The following TMEM117 variants were observed in gnomAD, a reference collection of about 807,000 sequenced individuals.
The protein encoded by TMEM117 is transmembrane protein 117.
TMEM117 carries 27 observed loss-of-function variants against 52.4 expected under a neutral mutation model. That is an observed-to-expected ratio of 0.51 (90% CI 0.38 to 0.71). The LOEUF is 0.71. TMEM117 is among the 30% of genes least tolerant of loss of function. TMEM117 has a pLI of 0.00. For synonymous variants in TMEM117, 215 were observed against 206.3 expected (o/e 1.04, Z -0.36); for missense variants, 556 against 630.5 (o/e 0.88, Z 1.26).
chr12:43,798,694 T>G, the TMEM117 span: 5 of 1,199,692 alleles, frequency 4.2e-6, no homozygotes, highest in Admixed American at 5.6e-5. Context: ...AGATCCTTGC[T>G]ACCAGTTTAA....
At chr12:43,926,769 T>G (rs555392006) in intron 2 of TMEM117, among the ~76,000 whole-genome samples, 1 of 13,116 alleles carries the variant, frequency 7.6e-5, no homozygotes, top group African/African-American at 8.3e-5. Context: ...TTTTTATCTC[T>G]GCTATCTATG....
chr12:44,163,186 C>G (rs1351310766), intron 4 of TMEM117, among the ~76,000 whole-genome samples: 2 of 152,136 alleles, frequency 1.3e-5, no homozygotes, highest in African/African-American at 4.8e-5. Context: ...ACAGGTATTT[C>G]TAGGCACGAG....
In TMEM117 at chr12:44,388,196, C is replaced by A; in HGVS notation, c.1069C>A (p.Leu357Ile). The part of the protein sequence containing the change: ...ESLKDLNRTK[L>I]SWEWRSNHTN... Reference sequence around the variant, plus strand: ...TTTAAAAGATTTGAACAGAACCAAGCTATCCTGGGAATGGAGGTCCAATCA... The same window carrying A: ...TTTAAAAGATTTGAACAGAACCAAGATATCCTGGGAATGGAGGTCCAATCA... Residue 357 changes from leucine to isoleucine, a missense_variant, in exon 8 of 8, where the codon CTA (leucine) becomes ATA (isoleucine). By Grantham distance (5) the Leu-to-Ile change is conservative. Around this residue, in one of 3 missense-constraint regions of TMEM117, gnomAD observed 206 missense variants for 211.1 expected, o/e 0.98. Transcript: ENST00000266534. 2 of 1,613,418 alleles carry A rather than the reference C, an allele frequency of 1.2e-6. No homozygotes were observed. The highest frequency in any genetic ancestry group is 1.7e-6 in the Non-Finnish European group (2 of 1,179,604).
the TMEM117 span, among the ~76,000 whole-genome samples, chr12:43,828,708 G>A: frequency 6.6e-6 from 1 of 152,006 alleles, no homozygotes; most frequent in Non-Finnish European, 1.5e-5. Context: ...CGATAAAATG[G>A]CTGGACCTGA....
Position 44,180,222 on chromosome 12 carries a change from C to CCAT in TMEM117, c.511-31051_511-31049dup, listed in dbSNP as rs571227123. 2.2e-3 allele frequency among the ~76,000 whole-genome samples: 330 copies of CCAT among 151,870 alleles called. 2 individuals carry two copies. The highest frequency in any genetic ancestry group is 7.6e-3 in the African/African-American group (314 of 41,448). Reference sequence around the variant, plus strand: ...TGTATCGCTGCTGTGATCACCATCACCATCATCATCATCATCATCGTCATC... The same window carrying CCAT: ...TGTATCGCTGCTGTGATCACCATCACCATCATCATCATCATCATCATCGTCATC... On this transcript the variant is annotated intron_variant, in intron 4 of 7. Transcript: ENST00000266534.
rs534262942 is a variant in TMEM117 at position 43,966,579 on chromosome 12, T to C, written c.410+22237T>C. Reference sequence around the variant, plus strand: ...GATACTCTAAGGGGAAATCTTCACCTTGATGCACACTGAGTTTTCATACTC... The same window carrying C: ...GATACTCTAAGGGGAAATCTTCACCCTGATGCACACTGAGTTTTCATACTC... On this transcript the variant is annotated intron_variant, in intron 3 of 7. Transcript: ENST00000266534. Among the ~76,000 whole-genome samples, 5 of 152,308 alleles carry C rather than the reference T, an allele frequency of 3.3e-5. No individual in the cohort carries two copies. In the South Asian group the frequency reaches 6.2e-4, roughly 19 times the overall value.
At chr12:44,022,795 T>C (rs1318196404) in intron 3 of TMEM117, among the ~76,000 whole-genome samples, 2 of 152,204 alleles carry the variant, frequency 1.3e-5, no homozygotes, top group African/African-American at 2.4e-5. Context: ...CACATAGATA[T>C]AGACTTCACA....
chr12:43,841,964 A>G lies in TMEM117; in HGVS notation c.-28-2660A>G, dbSNP rs539946630. ...CTTCACTGGCGAAAGAAGCAACAGC[A>G]GCCTGTAATAACAGCTTCTTAAATA... On this transcript the variant is annotated intron_variant, in intron 1 of 7. Transcript: ENST00000266534. Among the ~76,000 whole-genome samples, 11 of 152,358 alleles carry G rather than the reference A, an allele frequency of 7.2e-5. No individual in the cohort carries two copies. In the South Asian group the frequency reaches 2.1e-3, roughly 29 times the overall value.
intron 5 of TMEM117, among the ~76,000 whole-genome samples, chr12:44,241,899 T>G (rs1950067153): frequency 1.3e-5 from 2 of 151,948 alleles, no homozygotes; most frequent in Admixed American, 1.3e-4. Flanking sequence ...TAAAATATTT[T>G]AACATGTGGA....
At chr12:44,301,249 A>G (rs1412054622) in intron 6 of TMEM117, among the ~76,000 whole-genome samples, 2 of 152,196 alleles carry the variant, frequency 1.3e-5, no homozygotes, top group Admixed American at 6.5e-5. Flanking sequence ...CAAGGACTTC[A>G]AGTGGGAAAA....
chr12:43,822,922 TC>T, the TMEM117 span, among the ~76,000 whole-genome samples: 1 of 149,878 alleles, frequency 6.7e-6, no homozygotes, highest in African/African-American at 2.4e-5. Flanking sequence ...AAAAGGGTAA[TC>T]TACTGAAATT....
chr12:43,889,611 A>G (rs1944065432), intron 2 of TMEM117, among the ~76,000 whole-genome samples: 1 of 152,186 alleles, frequency 6.6e-6, no homozygotes, highest in African/African-American at 2.4e-5. Context: ...TAGATAATAA[A>G]TGGTGTGGTT....
chr12:44,048,423 T>A (rs1262581319), intron 3 of TMEM117, among the ~76,000 whole-genome samples: 2 of 152,194 alleles, frequency 1.3e-5, no homozygotes, highest in East Asian at 3.8e-4. Flanking sequence ...TTTTGTAAAT[T>A]TTTGAGATGG....
At chr12:43,945,866 A>C (rs1279356702) in intron 3 of TMEM117, among the ~76,000 whole-genome samples, 2 of 152,160 alleles carry the variant, frequency 1.3e-5, no homozygotes, top group African/African-American at 4.8e-5. Flanking sequence ...TGTTACGTAT[A>C]GATTTTGGCT....
At chr12:43,834,228 T>TG (rs1471567382), upstream of TMEM117, among the ~76,000 whole-genome samples, 1 of 152,210 alleles carries the variant, frequency 6.6e-6, no homozygotes, top group Non-Finnish European at 1.5e-5. Flanking sequence ...AAATATAGCA[T>TG]ATGGAACCTT....
chr12:44,053,125 G>A (rs1947001165), intron 3 of TMEM117, among the ~76,000 whole-genome samples: 1 of 152,068 alleles, frequency 6.6e-6, no homozygotes, highest in African/African-American at 2.4e-5. Flanking sequence ...GACACCACAG[G>A]TTAAGAAGCT....
chr12:44,328,206 G>C (rs1951221631), intron 6 of TMEM117, among the ~76,000 whole-genome samples: 1 of 152,094 alleles, frequency 6.6e-6, no homozygotes. Context: ...TCCTTTGGAA[G>C]TTCTAAAACA....
the TMEM117 span, among the ~76,000 whole-genome samples, chr12:43,825,495 G>A: frequency 3.9e-5 from 6 of 152,016 alleles, no homozygotes; most frequent in Admixed American, 3.9e-4. Context: ...CTCCTCAGGT[G>A]ATTTTATCTT....
chr12:43,930,046 G>A (rs1231392715), intron 2 of TMEM117, among the ~76,000 whole-genome samples: 1 of 152,022 alleles, frequency 6.6e-6, no homozygotes, highest in Non-Finnish European at 1.5e-5. Context: ...ATTTTCTTCT[G>A]GTCTGTAGAT....
Sources: allele counts gnomAD v4.1 joint callset (sites outside exome capture counted in the v4.1 genomes callset), GRCh38; gene constraint gnomAD v4.1.1; regional missense constraint gnomAD v4.1.1; transcripts MANE v1.5; gene names NCBI Gene and HGNC (gene_info 2026-07-23, HGNC 2026-07-21).